Variants in WIPF1 observed in about 807,000 individuals in gnomAD.
The protein encoded by WIPF1 is WAS/WASL-interacting protein family member 1.
In WIPF1, 13 loss-of-function variants were observed where a neutral mutation model predicts 35.4. The ratio of observed to expected loss-of-function variants is 0.37; its 90% confidence interval spans 0.24 to 0.58. The LOEUF (loss-of-function observed/expected upper bound fraction) is 0.58. Ranked by LOEUF, WIPF1 falls within the 20% of genes least tolerant of loss-of-function variation. The pLI is 0.74. For missense variants in WIPF1, 591 were observed against 667.0 expected (o/e 0.89, Z 1.25); for synonymous variants, 267 against 266.3 (o/e 1.00, Z -0.02).
At chr2:174,678,047 T>A (rs1280546063) in intron 1 of WIPF1, among the ~76,000 whole-genome samples, 1 of 151,704 alleles carries the variant, frequency 6.6e-6, no homozygotes, top group Non-Finnish European at 1.5e-5. Context: ...ATGACTCAAA[T>A]AACATACAGT....
intron 1 of WIPF1, among the ~76,000 whole-genome samples, chr2:174,617,646 A>G (rs964202741): frequency 6.6e-6 from 1 of 152,220 alleles, no homozygotes; most frequent in South Asian, 2.1e-4. Context: ...AGTTGAGTCC[A>G]TGGCAGCATC....
At chr2:174,566,725 T>G (rs16862713) in intron 7 of WIPF1, 11,168 of 199,388 alleles carry the variant, frequency 0.056, 369 homozygotes, top group Middle Eastern at 0.14. Context: ...TCAGACATTA[T>G]GCCAATTTCA....
At position 174,571,834 on chromosome 2, in the gene WIPF1, C is replaced by G. The variant is rs1397897929; in HGVS notation, c.971G>C (p.Ser324Thr). 6.2e-7 allele frequency: 1 copy of G among 1,614,168 alleles called. No homozygotes were observed. Among genetic ancestry groups the G allele is most frequent in the South Asian group, 1.1e-5 (1 of 91,086 alleles). ...SRPGPPPLPP[S>T]SSGNDETPRL... ...TGGGGTTTCGTCATTGCCGCTGGAA[C>G]TTGGAGGCAGAGGAGGCGGCCCGGG... Residue 324 changes from serine to threonine, a missense_variant, in exon 5 of 8, where the codon AGT (serine) becomes ACT (threonine). By Grantham distance (58) the Ser-to-Thr change is moderately conservative (BLOSUM62 1). Coordinates refer to ENST00000679041, the MANE Select transcript of WIPF1 (RefSeq NM_001375834.1). The surrounding 1 kb of genome is among the most constrained non-coding windows in gnomAD (Gnocchi z 4.6).
intron 1 of WIPF1, among the ~76,000 whole-genome samples, chr2:174,659,315 T>C (rs1687709350): frequency 6.6e-6 from 1 of 152,204 alleles, no homozygotes; most frequent in Non-Finnish European, 1.5e-5. Context: ...TTCTGTTTCC[T>C]GTTTCCTGTT....
intron 3 of WIPF1, among the ~76,000 whole-genome samples, chr2:174,576,230 C>CAAAAAAAAAAAAAAAAAAAAAAAAAAAAA (rs66562213): frequency 1.9e-4 from 19 of 98,930 alleles, no homozygotes; most frequent in African/African-American, 6.5e-4. Flanking sequence ...TGCACTCCAG[C>CAAAAAAAAAAAAAAAAAAAAAAAAAAAAA]AAAAAAAAAA....
At chr2:174,648,923 A>G (rs1172680876) in intron 1 of WIPF1, among the ~76,000 whole-genome samples, 1 of 152,256 alleles carries the variant, frequency 6.6e-6, no homozygotes, top group Non-Finnish European at 1.5e-5. Context: ...TCGGTTAGGA[A>G]TTCCCAACCA....
chr2:174,606,073 G>T (rs1341223109), intron 1 of WIPF1, among the ~76,000 whole-genome samples: 1 of 152,010 alleles, frequency 6.6e-6, no homozygotes, highest in African/African-American at 2.4e-5. Context: ...CCCAGAAAAG[G>T]AGTAAACTCT....
At chr2:174,592,605 ATTTT>A (rs36039287) in intron 1 of WIPF1, among the ~76,000 whole-genome samples, 80 of 131,708 alleles carry the variant, frequency 6.1e-4, no homozygotes, top group African/African-American at 1.6e-3. Context: ...TTATTTATTG[ATTTT>A]TTTTTTTTTT....
intron 1 of WIPF1, among the ~76,000 whole-genome samples, chr2:174,653,441 G>A (rs538286573): frequency 6.6e-6 from 1 of 152,188 alleles, no homozygotes; most frequent in East Asian, 1.9e-4. Context: ...GACTGCGTAA[G>A]AAACAGAGTT....
chr2:174,564,686 A>G (rs966904484), intron 7 of WIPF1, among the ~76,000 whole-genome samples: 1 of 152,130 alleles, frequency 6.6e-6, no homozygotes, highest in African/African-American at 2.4e-5. Flanking sequence ...ATTTAGAATA[A>G]GAAGCAAATA....
chr2:174,625,358 C>A (rs564408291), intron 1 of WIPF1, among the ~76,000 whole-genome samples: 1 of 152,322 alleles, frequency 6.6e-6, no homozygotes, highest in South Asian at 2.1e-4. Context: ...AGGCTTATCA[C>A]AAAGGAGATC....
intron 1 of WIPF1, among the ~76,000 whole-genome samples, chr2:174,586,059 G>T (rs1185636804): frequency 6.6e-6 from 1 of 151,988 alleles, no homozygotes; most frequent in Non-Finnish European, 1.5e-5. Flanking sequence ...CCTGACATTC[G>T]CCAAGTCTGT....
At position 174,571,705 on chromosome 2, in the gene WIPF1, G is replaced by A. The variant is rs1684847875; in HGVS notation, c.1100C>T (p.Pro367Leu). Residue 367 changes from proline to leucine, a missense_variant, in exon 5 of 8, where the codon CCT becomes CTT. By Grantham distance (98) the Pro-to-Leu change is moderately conservative. Transcript: ENST00000679041. The surrounding 1 kb of genome is among the most constrained non-coding windows in gnomAD (Gnocchi z 4.6). ...TCGGCCTGGCGGGTCCCTCACTGGA[G>A]GTGGGGGTCTCTCACTGGGCGGGGG... is the stretch of plus-strand genomic sequence containing the variant. ...LPPPPSERPPPPVRDPPGRSG... is the reference protein window; with the variant it reads ...LPPPPSERPPLPVRDPPGRSG... 1.2e-6 allele frequency: 2 copies of A among 1,614,178 alleles called. No homozygotes were observed. The highest frequency in any genetic ancestry group is 1.3e-5 in the African/African-American group (1 of 75,060).
intron 5 of WIPF1, among the ~76,000 whole-genome samples, chr2:174,569,506 A>G (rs940521152): frequency 6.6e-6 from 1 of 152,186 alleles, no homozygotes; most frequent in African/African-American, 2.4e-5. Context: ...TGTACTACGT[A>G]ACTTCATCTC....
chr2:174,574,699 G>T (rs2105813839), intron 4 of WIPF1: 1 of 605,746 alleles, frequency 1.7e-6, no homozygotes, highest in Non-Finnish European at 3.0e-6. Context: ...AGACTCCTGA[G>T]AACCACTGGC....
intron 1 of WIPF1, chr2:174,625,748 TG>T (rs1401994289): frequency 6.6e-6 from 1 of 152,240 alleles, no homozygotes; most frequent in Non-Finnish European, 1.5e-5. Context: ...AGATGCTTTT[TG>T]CTTTCACAAG....
chr2:174,680,191 T>A (rs1008183311), intron 1 of WIPF1, among the ~76,000 whole-genome samples: 1 of 152,206 alleles, frequency 6.6e-6, no homozygotes, highest in African/African-American at 2.4e-5. Context: ...GCAGACTTCA[T>A]CTCTTTCTGA....
At chr2:174,657,720 C>T (rs1687672925) in intron 1 of WIPF1, among the ~76,000 whole-genome samples, 1 of 151,860 alleles carries the variant, frequency 6.6e-6, no homozygotes, top group South Asian at 2.1e-4. Flanking sequence ...TGGTGAAACC[C>T]CATCTCTACT....
chr2:174,597,464 C>T (rs1331017336), intron 1 of WIPF1, 137 bp downstream of exon 1: 1 of 152,210 alleles, frequency 6.6e-6, no homozygotes, highest in Non-Finnish European at 1.5e-5. Flanking sequence ...TTCTGGGCAA[C>T]AGGAATAGCT....
Sources: gnomAD v4.1 joint callset for allele counts (sites outside exome capture counted in the v4.1 genomes callset) on GRCh38, gnomAD v4.1.1 for gene constraint, Gnocchi (gnomAD v3.1) non-coding constraint, MANE v1.5 for transcripts, NCBI Gene and HGNC (gene_info 2026-07-23, HGNC 2026-07-21) for gene names.